RRAGD: variants seen among roughly 807,000 people sequenced by gnomAD.
The protein encoded by RRAGD is Ras related GTP binding D.
Under a neutral mutation model 35.5 loss-of-function variants are expected in RRAGD, and 12 were observed. The observed-to-expected ratio is 0.34, with a 90% CI of 0.22 to 0.55. RRAGD has a LOEUF of 0.55. Ranked by LOEUF, RRAGD falls within the 20% of genes least tolerant of loss-of-function variation. The pLI is 0.91. For missense variants in RRAGD, 324 were observed against 490.1 expected (o/e 0.66, Z 3.20); for synonymous variants, 155 against 178.9 (o/e 0.87, Z 1.07).
chr6:89,374,229 C>G (rs1023850039), intron 5 of RRAGD, among the ~76,000 whole-genome samples: 3 of 152,170 alleles, frequency 2.0e-5, no homozygotes, highest in Non-Finnish European at 2.9e-5. Flanking sequence ...AATAAGATAA[C>G]TTGGTCAAAG....
intron 2 of RRAGD, among the ~76,000 whole-genome samples, chr6:89,383,372 A>G (rs563963705): frequency 4.0e-4 from 61 of 152,256 alleles, no homozygotes; most frequent in African/African-American, 1.4e-3. Flanking sequence ...CTAACTGAAA[A>G]AGCAGCATGC....
chr6:89,374,420 C>T (rs1768900034), intron 5 of RRAGD, among the ~76,000 whole-genome samples: 1 of 152,122 alleles, frequency 6.6e-6, no homozygotes. Flanking sequence ...TTTTAAGCTG[C>T]CATATACATG....
At chr6:89,368,631 G>T (rs926024711) in intron 6 of RRAGD, among the ~76,000 whole-genome samples, 1 of 152,170 alleles carries the variant, frequency 6.6e-6, no homozygotes. Flanking sequence ...CCAAAGCTGT[G>T]TATCAATCAA....
At chr6:89,403,424 G>A (rs1311437843) in intron 1 of RRAGD, among the ~76,000 whole-genome samples, 3 of 151,254 alleles carry the variant, frequency 2.0e-5, no homozygotes, top group Non-Finnish European at 2.9e-5. Flanking sequence ...CAGCCTGGGC[G>A]ACAGAGCAAG....
intron 1 of RRAGD, among the ~76,000 whole-genome samples, chr6:89,404,227 G>C (rs1006796417): frequency 1.2e-4 from 19 of 152,286 alleles, no homozygotes; most frequent in African/African-American, 4.3e-4. Flanking sequence ...CGATTTTGCA[G>C]TTTGTAGCTT....
chr6:89,385,681 G>C (rs146630898), intron 2 of RRAGD, among the ~76,000 whole-genome samples: 4 of 152,158 alleles, frequency 2.6e-5, no homozygotes, highest in Admixed American at 6.5e-5. Flanking sequence ...CATGGGAAGA[G>C]AGTAAACTGC....
At chr6:89,392,398 T>C (rs1769253803) in intron 1 of RRAGD, among the ~76,000 whole-genome samples, 1 of 150,450 alleles carries the variant, frequency 6.6e-6, no homozygotes, top group Admixed American at 6.6e-5. Context: ...GAGGATCCCT[T>C]AAGCCCAGGA....
chr6:89,375,040 C>T (rs1401348773), intron 5 of RRAGD, among the ~76,000 whole-genome samples: 3 of 152,082 alleles, frequency 2.0e-5, no homozygotes, highest in Non-Finnish European at 2.9e-5. Context: ...ATATTAAACA[C>T]TGTTTATTAA....
intron 4 of RRAGD, 31 bp from the exon 5 acceptor site, chr6:89,377,844 G>T (rs542024759): frequency 6.4e-7 from 1 of 1,566,766 alleles, no homozygotes. Flanking sequence ...TTGCCTTAAA[G>T]CAACAGTCAA....
intron 1 of RRAGD, among the ~76,000 whole-genome samples, chr6:89,390,234 A>G (rs1475211486): frequency 6.6e-6 from 1 of 152,268 alleles, no homozygotes; most frequent in Non-Finnish European, 1.5e-5. Flanking sequence ...TAAAAAGACA[A>G]CATACAGAAT....
At chr6:89,387,661 C>T (rs1223944724) in intron 1 of RRAGD, 71 bp from the exon 2 acceptor site, 3 of 1,357,048 alleles carry the variant, frequency 2.2e-6, no homozygotes, top group Admixed American at 2.0e-5. Context: ...GTTTCACTTC[C>T]ACCTCAAATG....
intron 3 of RRAGD, among the ~76,000 whole-genome samples, 199 bp from the exon 4 acceptor site, chr6:89,379,537 T>C (rs1422768823): frequency 6.6e-6 from 1 of 152,204 alleles, no homozygotes; most frequent in Non-Finnish European, 1.5e-5. Context: ...GAGCTGTGCC[T>C]ATTCTCATCT....
Position 89,396,728 on chromosome 6 carries a change from A to ATTT in RRAGD, c.149-9141_149-9139dup, listed in dbSNP as rs1160973684. Among the ~76,000 whole-genome samples the ATTT allele has an allele frequency of 8.0e-4, 61 of 76,402 alleles. 1 individual carries two copies. Among genetic ancestry groups the ATTT allele is most frequent in the African/African-American group, 3.5e-3 (46 of 13,220 alleles). The allele number at this position is 76,402 out of a possible 152,430, so 50.1% of individuals were successfully genotyped here. On this transcript the variant is annotated intron_variant, in intron 1 of 6. Transcript: ENST00000369415. ...GCTGCTGCACCCAACCAATGACCCA[A>ATTT]TTTTTTTTTTTTTTTTTTTTTTTTT...
At chr6:89,403,831 G>A (rs530450420) in intron 1 of RRAGD, among the ~76,000 whole-genome samples, 1 of 151,808 alleles carries the variant, frequency 6.6e-6, no homozygotes, top group Non-Finnish European at 1.5e-5. Flanking sequence ...TTTGTTGGGG[G>A]ATGGTGGTTA....
chr6:89,393,184 A>C (rs1173447956), intron 1 of RRAGD, among the ~76,000 whole-genome samples: 1 of 152,240 alleles, frequency 6.6e-6, no homozygotes, highest in African/African-American at 2.4e-5. Context: ...GCACAATGAA[A>C]CATGGATAGT....
chr6:89,392,054 G>A (rs1049767283), intron 1 of RRAGD, among the ~76,000 whole-genome samples: 1 of 150,934 alleles, frequency 6.6e-6, no homozygotes, highest in Non-Finnish European at 1.5e-5. Flanking sequence ...TACTTTAAAA[G>A]AGCAAATACT....
At chr6:89,376,935 C>A in intron 5 of RRAGD, among the ~76,000 whole-genome samples, 1 of 152,226 alleles carries the variant, frequency 6.6e-6, no homozygotes, top group South Asian at 2.1e-4. Context: ...TTTTCTTCCG[C>A]TTCTGCCACT....
At chr6:89,391,068 G>A (rs141347702) in intron 1 of RRAGD, among the ~76,000 whole-genome samples, 107 of 152,174 alleles carry the variant, frequency 7.0e-4, no homozygotes, top group African/African-American at 2.5e-3. Flanking sequence ...ATCAACTCAT[G>A]AATGGATGAA....
chr6:89,391,227 C>T (rs1278905441), intron 1 of RRAGD, among the ~76,000 whole-genome samples: 1 of 149,880 alleles, frequency 6.7e-6, no homozygotes, highest in Non-Finnish European at 1.5e-5. Flanking sequence ...TCTACAAAAA[C>T]TTTAAAAATT....
Sources: gnomAD v4.1 joint callset for allele counts (sites outside exome capture counted in the v4.1 genomes callset) on GRCh38, gnomAD v4.1.1 for gene constraint, MANE v1.5 for transcripts, NCBI Gene and HGNC (gene_info 2026-07-23, HGNC 2026-07-21) for gene names.